The following TAOK3 variants were observed in gnomAD, a reference collection of about 807,000 sequenced individuals.
TAOK3 encodes serine/threonine-protein kinase TAO3.
Under a neutral mutation model 120.4 loss-of-function variants are expected in TAOK3, and 40 were observed. The ratio of observed to expected loss-of-function variants is 0.33; its 90% CI spans 0.26 to 0.43. TAOK3 has a LOEUF of 0.43. Among genes scored for constraint, TAOK3 ranks in the 20% least tolerant of loss-of-function variants. TAOK3 has a pLI of 1.00. For synonymous variants in TAOK3, 355 were observed against 387.5 expected, an observed-to-expected ratio of 0.92 and a Z score of 0.99; for missense variants, 821 against 1,112.1, an observed-to-expected ratio of 0.74 and a Z score of 3.72.
At chr12:118,242,927 A>G (rs1339841188) in intron 5 of TAOK3, among the ~76,000 whole-genome samples, 2 of 149,348 alleles carry the variant, frequency 1.3e-5, no homozygotes, top group Non-Finnish European at 3.0e-5. Flanking sequence ...GTGTGTGTGC[A>G]TGTGTATATA....
intron 6 of TAOK3, among the ~76,000 whole-genome samples, chr12:118,238,505 G>C (rs1270695703): frequency 6.6e-6 from 1 of 152,062 alleles, no homozygotes; most frequent in African/African-American, 2.4e-5. Context: ...TTCAATGTCT[G>C]GAGTGTTCTA....
At chr12:118,223,310 C>T (rs1329751547) in intron 9 of TAOK3, among the ~76,000 whole-genome samples, 4 of 151,224 alleles carry the variant, frequency 2.6e-5, no homozygotes, top group Admixed American at 6.6e-5. Flanking sequence ...CCGCCCGCCT[C>T]GGCCTCCCAA....
chr12:118,371,097 T>C lies in TAOK3; in HGVS notation c.-194+1551A>G, dbSNP rs1158349526. ...TCCTTTAAATCTGCATTGTAAACAT[T>C]GATACTGATATGCTGCCAAATCTAA... On this transcript the variant is annotated intron_variant, in intron 1 of 20. Coordinates refer to ENST00000392533, the MANE Select transcript of TAOK3 (RefSeq NM_016281.4). The surrounding 1 kb of genome is among the most constrained non-coding windows in gnomAD (Gnocchi z 5.5). 6.6e-6 allele frequency among the ~76,000 whole-genome samples: 1 copy of C among 152,234 alleles called. No homozygotes were observed. The highest frequency in any genetic ancestry group is 1.5e-5 in the Non-Finnish European group (1 of 68,038).
intron 9 of TAOK3, among the ~76,000 whole-genome samples, chr12:118,227,268 T>C (rs996192559): frequency 7.6e-6 from 1 of 132,406 alleles, no homozygotes; most frequent in African/African-American, 3.0e-5. Flanking sequence ...TATAAAATTA[T>C]GTTATAATTT....
chr12:118,153,873 A>G (rs1185760903), intron 19 of TAOK3, among the ~76,000 whole-genome samples: 1 of 152,190 alleles, frequency 6.6e-6, no homozygotes, highest in East Asian at 1.9e-4. Flanking sequence ...ACTTCTGGAG[A>G]AACATACTAT....
intron 14 of TAOK3, among the ~76,000 whole-genome samples, chr12:118,182,911 CT>C (rs2138930392): frequency 6.6e-6 from 1 of 152,000 alleles, no homozygotes; most frequent in East Asian, 1.9e-4. Flanking sequence ...CAAATTAAAG[CT>C]TGTAAATGTA....
At chr12:118,226,201 C>T (rs2039497687) in intron 9 of TAOK3, among the ~76,000 whole-genome samples, 1 of 152,208 alleles carries the variant, frequency 6.6e-6, no homozygotes, top group Non-Finnish European at 1.5e-5. Flanking sequence ...TGGTGAAACC[C>T]CGTCTCTACT....
chr12:118,212,388 T>C (rs935378467), intron 11 of TAOK3, among the ~76,000 whole-genome samples: 6 of 152,226 alleles, frequency 3.9e-5, no homozygotes, highest in African/African-American at 1.4e-4. Context: ...TGAAAAGAGA[T>C]GCTTGGTGAT....
At chr12:118,221,875 C>A (rs896576055) in intron 9 of TAOK3, among the ~76,000 whole-genome samples, 3 of 151,912 alleles carry the variant, frequency 2.0e-5, no homozygotes, top group Admixed American at 6.6e-5. Flanking sequence ...ACCTCATGAT[C>A]TGCCCGCCTC....
At chr12:118,153,060 A>T (rs1410300032) in intron 19 of TAOK3, among the ~76,000 whole-genome samples, 1 of 152,150 alleles carries the variant, frequency 6.6e-6, no homozygotes, top group Non-Finnish European at 1.5e-5. Context: ...GTTGGCACCT[A>T]TTGTTGGCTA....
At position 118,199,245 on chromosome 12, in the gene TAOK3, C is replaced by T. The variant is rs779239760; in HGVS notation, c.1000G>A (p.Gly334Arg). 2.0e-5 allele frequency: 33 copies of T among 1,613,762 alleles called. No individual in the cohort carries two copies. The African/African-American group carries it at 4.1e-4, about 20-fold the overall frequency. ...TCCATTTCCCTGTTCAGGCTGGTTC[C>T]ATGTTCACTGTCCTGTAAAAATGGG... ...SQEDEEDSEH[G>R]TSLNREMDSL... The change falls in exon 13 of 21, where the codon GGA (glycine) becomes AGA (arginine). Residue 334 changes from glycine (G) to arginine (R), a missense_variant. Physicochemically the swap from Gly to Arg is moderately radical, Grantham distance 125. Transcript: ENST00000392533.
At chr12:118,336,068 C>T (rs1347867057) in intron 1 of TAOK3, among the ~76,000 whole-genome samples, 6 of 152,084 alleles carry the variant, frequency 3.9e-5, no homozygotes, top group African/African-American at 4.8e-5. Context: ...AATCCCAGCA[C>T]GGATTTTCGT....
rs1328599520 is a variant in TAOK3 at position 118,322,716 on chromosome 12, ACCTTTTTT to A, written c.-194+49924_-194+49931del. Among the ~76,000 whole-genome samples the A allele has an allele frequency of 4.9e-4, 70 of 142,314 alleles. 1 individual carries two copies. Among genetic ancestry groups the A allele is most frequent in the African/African-American group, 1.7e-3 (66 of 38,374 alleles). 93.4% of individuals were successfully genotyped at this position (142,314 alleles called of 152,430 possible). A position where few individuals can be genotyped will look rare whatever the true frequency, so the allele number is the denominator to read the frequency against. ...CCCCCAAACATTAAAAAATTTAAAAACCTTTTTTTTTTTTTTTTTTTTTTTTTGAGACG... is the reference window on the plus strand; with the variant it reads ...CCCCCAAACATTAAAAAATTTAAAAATTTTTTTTTTTTTTTTTTTGAGACG... On this transcript the variant is annotated intron_variant, in intron 1 of 20. Coordinates refer to ENST00000392533, the MANE Select transcript of TAOK3 (RefSeq NM_016281.4).
chr12:118,187,859 G>A (rs984413183), intron 14 of TAOK3, among the ~76,000 whole-genome samples: 2 of 152,188 alleles, frequency 1.3e-5, no homozygotes, highest in African/African-American at 2.4e-5. Flanking sequence ...AAGCCTGTAC[G>A]ATTCAGAGGG....
chr12:118,238,187 A>G lies in TAOK3; in HGVS notation c.341-18T>C, dbSNP rs1270452121. The G allele has an allele frequency of 6.6e-7, 1 of 1,518,180 alleles. No individual in the cohort carries two copies. Among genetic ancestry groups the G allele is most frequent in the Non-Finnish European group, 9.1e-7 (1 of 1,098,238 alleles). The allele number at this position is 1,518,180 out of a possible 1,614,324, so 94.0% of individuals were successfully genotyped here. On this transcript the variant is annotated intron_variant, in intron 6 of 20. Coordinates refer to ENST00000392533, the MANE Select transcript of TAOK3 (RefSeq NM_016281.4). ...TTTATGAACTGAGGAAGGAAAAAAA[A>G]AAAAGTCAGTAGATGATCAGTTTCA...
chr12:118,158,459 C>T (rs1170155334), intron 19 of TAOK3, among the ~76,000 whole-genome samples: 1 of 152,206 alleles, frequency 6.6e-6, no homozygotes. Context: ...AGTCAATTAT[C>T]CTTGCAGGCA....
chr12:118,221,228 T>C (rs1214839980), intron 9 of TAOK3, among the ~76,000 whole-genome samples: 1 of 152,162 alleles, frequency 6.6e-6, no homozygotes. Flanking sequence ...CTTTTCTTTT[T>C]TTTTTCTTTT....
At chr12:118,291,457 A>G (rs142604617) in intron 1 of TAOK3, among the ~76,000 whole-genome samples, 3 of 152,174 alleles carry the variant, frequency 2.0e-5, no homozygotes, top group East Asian at 3.9e-4. Context: ...CACCGTGCCC[A>G]GCGGGGTTTT....
At chr12:118,192,965 TC>T in intron 13 of TAOK3, among the ~76,000 whole-genome samples, 1 of 151,692 alleles carries the variant, frequency 6.6e-6, no homozygotes, top group East Asian at 1.9e-4. Context: ...TAAAACATTA[TC>T]ATCCAGGAAA....
Sources: gnomAD v4.1 joint callset for allele counts (sites outside exome capture counted in the v4.1 genomes callset) on GRCh38, gnomAD v4.1.1 for gene constraint, Gnocchi (gnomAD v3.1) non-coding constraint, MANE v1.5 for transcripts, NCBI Gene and HGNC (gene_info 2026-07-23, HGNC 2026-07-21) for gene names.